Variants in PCDHGB6 observed in about 807,000 individuals in gnomAD.
PCDHGB6 encodes protocadherin gamma subfamily B, 6.
In PCDHGB6, 51 loss-of-function variants were observed where a neutral mutation model predicts 59.1. The observed-to-expected ratio is 0.86, with a 90% CI of 0.69 to 1.09. The LOEUF is 1.09. Among genes scored for constraint, PCDHGB6 ranks in the 50% least tolerant of loss-of-function variants. The probability of loss-of-function intolerance (pLI) is 0.00; values close to 1 mark genes in which losing one functional copy is unlikely to be tolerated. For synonymous variants in PCDHGB6, 466 were observed against 495.1 expected (o/e 0.94, Z 0.78); for missense variants, 1,148 against 1,205.1 (o/e 0.95, Z 0.70).
In PCDHGB6 at chr5:141,410,786, TTCA is replaced by T. The variant is rs1001093749; in HGVS notation, c.2418+168_2418+170del. ...ATTATAGTTTTCACTATGTATTTGG[TTCA>T]TAAGTTGCTCTATCTTTTTGTAAAA... On this transcript the variant is annotated intron_variant, in intron 1 of 3. Transcript: ENST00000520790. 39 of 852,378 alleles carry T rather than the reference TTCA, an allele frequency of 4.6e-5. No homozygotes were observed. In the African/African-American group the frequency reaches 6.2e-4, roughly 13 times the overall value. 52.8% of individuals were successfully genotyped at this position (852,378 alleles called of 1,614,324 possible). A position where few individuals can be genotyped will look rare whatever the true frequency, so the allele number is the denominator to read the frequency against.
intron 1 of PCDHGB6, among the ~76,000 whole-genome samples, chr5:141,459,176 T>C (rs2098962762): frequency 6.6e-6 from 1 of 152,210 alleles, no homozygotes. Context: ...CTTCAAAAGT[T>C]CCCTCATGCC....
intron 1 of PCDHGB6, among the ~76,000 whole-genome samples, chr5:141,466,724 A>G (rs2099128017): frequency 6.6e-6 from 1 of 152,148 alleles, no homozygotes. Flanking sequence ...TTTCCATTTT[A>G]GCAGAATTCA....
In PCDHGB6 at chr5:141,489,459, C is replaced by A; in HGVS notation, c.2419-5348C>A. ...AATTGGGCTCTGAGGAGAATGGGCG[C>A]TATTTTTCCCTGAGCTTGATGAGTG... On this transcript the variant is annotated intron_variant, in intron 1 of 3. Transcript: ENST00000520790. The surrounding 1 kb of genome is among the most constrained non-coding windows in gnomAD (Gnocchi z 4.5). 1 of 1,614,086 alleles carries A rather than the reference C, an allele frequency of 6.2e-7. No individual in the cohort carries two copies. The highest frequency in any genetic ancestry group is 8.5e-7 in the Non-Finnish European group (1 of 1,180,012).
At chr5:141,463,803 A>G (rs975202568) in intron 1 of PCDHGB6, among the ~76,000 whole-genome samples, 1 of 152,150 alleles carries the variant, frequency 6.6e-6, no homozygotes, top group Non-Finnish European at 1.5e-5. Flanking sequence ...AATGTCTAAA[A>G]GCTTTTATCA....
rs201409669 is a variant in PCDHGB6 at position 141,490,703 on chromosome 5, G to A, written c.2419-4104G>A. The stretch of plus-strand genomic sequence containing the variant: ...GATCCAGACACTGGGGATAATGCCC[G>A]CCTCACCTACTCCATTGTAGGAAAT... On this transcript the variant is annotated intron_variant, in intron 1 of 3. Coordinates refer to ENST00000520790, the MANE Select transcript of PCDHGB6 (RefSeq NM_018926.3). This position sits in a 1 kb window ranked among gnomAD's most constrained non-coding sequence, Gnocchi z 5.4. 2.6e-4 allele frequency: 421 copies of A among 1,614,106 alleles called. No homozygotes were observed. Among genetic ancestry groups the A allele is most frequent in the Middle Eastern group, 6.6e-4 (4 of 6,062 alleles).
Position 141,486,294 on chromosome 5 carries a change from T to C in PCDHGB6, c.2419-8513T>C, listed in dbSNP as rs764106041. The C allele has an allele frequency of 1.2e-6, 2 of 1,614,036 alleles. No homozygotes were observed. The highest frequency in any genetic ancestry group is 1.7e-6 in the Non-Finnish European group (2 of 1,179,998). On this transcript the variant is annotated intron_variant, in intron 1 of 3. Transcript: ENST00000520790. The surrounding 1 kb of genome is among the most constrained non-coding windows in gnomAD (Gnocchi z 5.0). ...GGCACTGTGGTGGCACTTATCAGTG[T>C]GCAGGATCCAGACTCAGGGTCAAAC...
At chr5:141,463,796 G>T (rs139760353) in intron 1 of PCDHGB6, among the ~76,000 whole-genome samples, 3 of 152,114 alleles carry the variant, frequency 2.0e-5, no homozygotes, top group Non-Finnish European at 2.9e-5. Flanking sequence ...TTGAACAAAT[G>T]TCTAAAAGCT....
intron 3 of PCDHGB6, among the ~76,000 whole-genome samples, chr5:141,510,591 A>G (rs1050708244): frequency 6.6e-6 from 1 of 152,176 alleles, no homozygotes; most frequent in Non-Finnish European, 1.5e-5. Flanking sequence ...TACCTGACAT[A>G]CATTTTCTTA....
intron 1 of PCDHGB6, chr5:141,442,134 AG>A (rs1365375748): frequency 6.1e-6 from 1 of 163,744 alleles, no homozygotes; most frequent in African/African-American, 2.4e-5. Context: ...AGCCTGCAGG[AG>A]ACTCTGCCAG....
intron 1 of PCDHGB6, among the ~76,000 whole-genome samples, chr5:141,437,164 T>C (rs1262289843): frequency 1.3e-5 from 2 of 152,226 alleles, no homozygotes; most frequent in Non-Finnish European, 2.9e-5. Flanking sequence ...GTGTTGATTG[T>C]TTTCTGAGAC....
In PCDHGB6 at chr5:141,433,363, CTATCT is replaced by C. The variant is rs2097590943; in HGVS notation, c.2418+22744_2418+22748del. On this transcript the variant is annotated intron_variant, in intron 1 of 3. Transcript: ENST00000520790. ...TGCAAGCCACCTACTGTCTGCCTAT[CTATCT>C]ATCTATCTATCTATCTATCTATCTA... 4 of 463,386 alleles carry C rather than the reference CTATCT, an allele frequency of 8.6e-6. No homozygotes were observed. The African/African-American group carries it at 1.1e-4, about 13-fold the overall frequency. 28.7% of individuals were successfully genotyped at this position (463,386 alleles called of 1,614,324 possible). A position where few individuals can be genotyped will look rare whatever the true frequency, so the allele number is the denominator to read the frequency against.
At chr5:141,473,212 C>G (rs1311953997) in intron 1 of PCDHGB6, among the ~76,000 whole-genome samples, 1 of 152,012 alleles carries the variant, frequency 6.6e-6, no homozygotes, top group Non-Finnish European at 1.5e-5. Flanking sequence ...AAAATGCTTA[C>G]TTCCAGGGAG....
intron 1 of PCDHGB6, among the ~76,000 whole-genome samples, chr5:141,438,598 AT>A (rs1433028092): frequency 6.7e-5 from 2 of 29,776 alleles, no homozygotes; most frequent in Non-Finnish European, 1.4e-4. Context: ...ATACATATAT[AT>A]ATATATATAT....
chr5:141,511,135 G>A lies in PCDHGB6; in HGVS notation c.2755G>A (p.Gly919Ser), dbSNP rs200541479. Residue 919 changes from glycine to serine, a missense_variant, in exon 4 of 4, where the codon GGC becomes AGC. Physicochemically the swap from Gly to Ser is moderately conservative, Grantham distance 56. Coordinates refer to ENST00000520790, the MANE Select transcript of PCDHGB6 (RefSeq NM_018926.3). The stretch of plus-strand genomic sequence containing the variant: ...TGGCAAGGCCCCAGCAGGTGGCAAT[G>A]GCAACAAGAAGAAGTCGGGCAAGAA... ...RDGKAPAGGN[G>S]NKKKSGKKEK... 2.8e-4 allele frequency: 448 copies of A among 1,614,188 alleles called. No homozygotes were observed. Among genetic ancestry groups the A allele is most frequent in the Non-Finnish European group, 3.0e-4 (352 of 1,180,016 alleles).
Position 141,476,085 on chromosome 5 carries a change from G to C in PCDHGB6, c.2419-18722G>C, listed in dbSNP as rs1163057402. On this transcript the variant is annotated intron_variant, in intron 1 of 3. Coordinates refer to ENST00000520790, the MANE Select transcript of PCDHGB6 (RefSeq NM_018926.3). This position sits in a 1 kb window ranked among gnomAD's most constrained non-coding sequence, Gnocchi z 7.6. ...TCAGCGAAATCTCAGGGACGATCTG[G>C]ACCCCGCTGAGAGGAACTGCTTTTG... 1.3e-6 allele frequency: 2 copies of C among 1,551,682 alleles called. No individual in the cohort carries two copies. Among genetic ancestry groups the C allele is most frequent in the East Asian group, 2.3e-5 (1 of 44,392 alleles).
intron 1 of PCDHGB6, chr5:141,414,421 A>C (rs1250470349): frequency 6.2e-7 from 1 of 1,613,894 alleles, no homozygotes; most frequent in East Asian, 2.2e-5. Context: ...AGCCCTTGAC[A>C]GGGAACAGGT....
intron 1 of PCDHGB6, among the ~76,000 whole-genome samples, chr5:141,467,039 A>G (rs1467529268): frequency 2.6e-5 from 4 of 150,960 alleles, no homozygotes; most frequent in Non-Finnish European, 5.9e-5. Context: ...TTTTTTGTGT[A>G]ATGAATCAAT....
At chr5:141,463,831 C>T (rs2099070299) in intron 1 of PCDHGB6, among the ~76,000 whole-genome samples, 1 of 152,174 alleles carries the variant, frequency 6.6e-6, no homozygotes, top group African/African-American at 2.4e-5. Flanking sequence ...TGATCCACTT[C>T]CCAGTTGTTA....
chr5:141,508,451 C>T (rs1245251907), intron 3 of PCDHGB6, among the ~76,000 whole-genome samples: 1 of 152,180 alleles, frequency 6.6e-6, no homozygotes, highest in Admixed American at 6.5e-5. Flanking sequence ...AGTGGCAGAG[C>T]AGAGCAAATA....
Sources: allele counts gnomAD v4.1 joint callset (sites outside exome capture counted in the v4.1 genomes callset), GRCh38; gene constraint gnomAD v4.1.1; non-coding constraint Gnocchi (gnomAD v3.1); transcripts MANE v1.5; gene names NCBI Gene and HGNC (gene_info 2026-07-23, HGNC 2026-07-21).